Variants in JPH3 observed in about 807,000 individuals in gnomAD.
JPH3 encodes the protein junctophilin-3.
Under a neutral mutation model 59.6 loss-of-function variants are expected in JPH3, and 11 were observed. The ratio of observed to expected loss-of-function variants is 0.18; its 90% confidence interval spans 0.12 to 0.31. The LOEUF is 0.31. Among genes scored for constraint, JPH3 ranks in the 10% least tolerant of loss-of-function variants. The pLI, the probability that JPH3 is intolerant of heterozygous loss-of-function variation, is 1.00. For synonymous variants in JPH3, 673 were observed against 483.6 expected (o/e 1.39, Z -5.14); for missense variants, 1,202 against 1,105.7 (o/e 1.09, Z -1.24).
chr16:87,615,850 G>T (rs1174269559), intron 1 of JPH3, among the ~76,000 whole-genome samples: 3 of 152,234 alleles, frequency 2.0e-5, no homozygotes, highest in Non-Finnish European at 4.4e-5. Flanking sequence ...GTCTGTTGGG[G>T]TCAGCCCCGG....
At chr16:87,657,366 G>C (rs1210861833) in intron 2 of JPH3, among the ~76,000 whole-genome samples, 3 of 152,234 alleles carry the variant, frequency 2.0e-5, no homozygotes, top group Admixed American at 2.0e-4. Context: ...CATGGGGACA[G>C]GGAGTGGACT....
In JPH3 at chr16:87,644,709, C is replaced by T. The variant is rs367750188; in HGVS notation, c.834C>T (p.Asp278=). The change falls in exon 2 of 5, where the codon GAC becomes GAT. Residue 278 remains aspartate, a synonymous_variant. Transcript: ENST00000284262. The stretch of plus-strand genomic sequence containing the variant: ...AGGCCGAGCTGGCGGTCATCGAGGA[C>T]GACATCGACGCCACCACCACCGAGA... The part of the protein sequence containing the change: ...EAEAELAVIE[D]DIDATTTETY... 281 of 1,605,538 alleles carry T rather than the reference C, an allele frequency of 1.8e-4. 2 individuals carry two copies. The Middle Eastern group carries it at 4.1e-3, about 24-fold the overall frequency.
intron 2 of JPH3, among the ~76,000 whole-genome samples, chr16:87,678,747 C>T (rs1007339219): frequency 1.3e-5 from 2 of 152,134 alleles, no homozygotes; most frequent in Non-Finnish European, 1.5e-5. Flanking sequence ...CCCAATCCAA[C>T]GAAGAGTGCC....
At chr16:87,690,566 C>T (rs2033543124) in intron 4 of JPH3, 40 bp downstream of exon 4, 2 of 1,436,510 alleles carry the variant, frequency 1.4e-6, no homozygotes, top group South Asian at 1.6e-5. Context: ...GTGGAGGCAA[C>T]ATCCACCTCT....
rs1393840718 is a variant in JPH3, at chr16:87,644,466, G to A, written c.591G>A (p.Val197=). The A allele has an allele frequency of 6.2e-7, 1 of 1,612,746 alleles. No homozygotes were observed. The highest frequency in any genetic ancestry group is 8.5e-7 in the Non-Finnish European group (1 of 1,179,758). Residue 197 remains valine, a synonymous_variant, in exon 2 of 5, where the codon GTG becomes GTA. Coordinates refer to ENST00000284262, the MANE Select transcript of JPH3 (RefSeq NM_020655.4). ...CGGCCGTGTCCCGCGGGGGCTTCGT[G>A]CTCGTGGCCCACAGTGACTCCGAGA... is the stretch of plus-strand genomic sequence containing the variant. ...GSPAVSRGGF[V]LVAHSDSEIL...
intron 1 of JPH3, among the ~76,000 whole-genome samples, chr16:87,618,709 G>A (rs1400745655): frequency 1.3e-5 from 2 of 152,184 alleles, no homozygotes; most frequent in Non-Finnish European, 2.9e-5. Flanking sequence ...TTTCCTGGAG[G>A]CTGGTGCTGA....
intron 2 of JPH3, among the ~76,000 whole-genome samples, chr16:87,667,104 G>A (rs2032887708): frequency 6.6e-6 from 1 of 152,234 alleles, no homozygotes; most frequent in African/African-American, 2.4e-5. Flanking sequence ...CCGGCTTCTG[G>A]GGGCTGCCGG....
chr16:87,643,061 C>G lies in JPH3; in HGVS notation c.383-1197C>G, dbSNP rs12446465. ...TTCAACACTGACCCCACAACCCTCCCCAGCCCCTGCACCCACCGCGCTTTC... is the reference window on the plus strand; with the variant it reads ...TTCAACACTGACCCCACAACCCTCCGCAGCCCCTGCACCCACCGCGCTTTC... On this transcript the variant is annotated intron_variant, in intron 1 of 4. Transcript: ENST00000284262. Among the ~76,000 whole-genome samples, 862 of 152,312 alleles carry G rather than the reference C, an allele frequency of 5.7e-3. 27 individuals carry two copies. The highest frequency in any genetic ancestry group is 0.048 in the Admixed American group (735 of 15,298).
At chr16:87,673,128 A>C (rs1449050673) in intron 2 of JPH3, among the ~76,000 whole-genome samples, 3 of 152,128 alleles carry the variant, frequency 2.0e-5, no homozygotes, top group African/African-American at 7.2e-5. Flanking sequence ...ACTGGGCGAC[A>C]CAGTGCGACT....
intron 2 of JPH3, among the ~76,000 whole-genome samples, chr16:87,648,476 G>A (rs1194225207): frequency 6.6e-6 from 1 of 152,152 alleles, no homozygotes; most frequent in African/African-American, 2.4e-5. Flanking sequence ...CGCCCCGGCC[G>A]GCAGGGCTTG....
At chr16:87,621,706 C>T (rs2150829369) in intron 1 of JPH3, among the ~76,000 whole-genome samples, 1 of 152,310 alleles carries the variant, frequency 6.6e-6, no homozygotes, top group East Asian at 1.9e-4. Context: ...GTGGACACTC[C>T]CCCAGGAACC....
chr16:87,696,824 T>TTTTTCTGGG lies in JPH3; in HGVS notation c.*166_*174dup. ...TTGGGTATCACTCACAGTTTGCCTT[T>TTTTTCTGGG]TTTTCTGGGTAATGTTTTTTGGATT... is the stretch of plus-strand genomic sequence containing the variant. On this transcript the variant is annotated 3_prime_UTR_variant, in exon 5 of 5. Transcript: ENST00000284262. 7 of 633,040 alleles carry TTTTTCTGGG rather than the reference T, an allele frequency of 1.1e-5. No individual in the cohort carries two copies. In the South Asian group the frequency reaches 1.3e-4, roughly 12 times the overall value. 39.2% of individuals were successfully genotyped at this position (633,040 alleles called of 1,614,324 possible). A position where few individuals can be genotyped will look rare whatever the true frequency, so the allele number is the denominator to read the frequency against.
chr16:87,685,006 G>C (rs1014956319), intron 3 of JPH3, among the ~76,000 whole-genome samples: 1 of 152,202 alleles, frequency 6.6e-6, no homozygotes, highest in Non-Finnish European at 1.5e-5. Context: ...CTCAACCCGA[G>C]CTCTGACCGG....
chr16:87,645,866 C>G (rs932839578), intron 2 of JPH3, among the ~76,000 whole-genome samples: 4 of 152,168 alleles, frequency 2.6e-5, no homozygotes, highest in African/African-American at 7.2e-5. Context: ...TGGAAAGCCA[C>G]GGGCCCCACA....
intron 1 of JPH3, among the ~76,000 whole-genome samples, chr16:87,625,903 T>C (rs985047174): frequency 6.6e-6 from 1 of 152,184 alleles, no homozygotes; most frequent in Admixed American, 6.5e-5. Flanking sequence ...CCTGCCAACC[T>C]TCATTCAACC....
At chr16:87,694,293 C>T (rs2033711480) in intron 4 of JPH3, 1 of 152,306 alleles carries the variant, frequency 6.6e-6, no homozygotes, top group African/African-American at 2.4e-5. Flanking sequence ...AGCAGGCACC[C>T]AGGGAAGACC....
At chr16:87,641,124 C>A (rs997951414) in intron 1 of JPH3, among the ~76,000 whole-genome samples, 6 of 152,180 alleles carry the variant, frequency 3.9e-5, no homozygotes, top group African/African-American at 1.4e-4. Flanking sequence ...ATCACAACTG[C>A]CCCCAGTGCT....
intron 2 of JPH3, among the ~76,000 whole-genome samples, chr16:87,672,000 C>T (rs986765781): frequency 5.3e-5 from 8 of 152,160 alleles, no homozygotes; most frequent in South Asian, 2.1e-4. Flanking sequence ...TGACGGGGTA[C>T]GTGCTGCGTT....
chr16:87,604,297 C>T lies in JPH3; in HGVS notation c.382+769C>T, dbSNP rs564806887. ...GAAGCCAGGGAGCTGCCTGCTGCTG[C>T]TGCTGCTGCTGCTGCTGCTGCTGCT... is the stretch of plus-strand genomic sequence containing the variant. On this transcript the variant is annotated intron_variant, in intron 1 of 4. Transcript: ENST00000284262. 186 of 1,417,940 alleles carry T rather than the reference C, an allele frequency of 1.3e-4. No homozygotes were observed. The South Asian group carries it at 2.1e-3, about 16-fold the overall frequency. The allele number at this position is 1,417,940 out of a possible 1,614,324, so 87.8% of individuals were successfully genotyped here.
Sources: gnomAD v4.1 joint callset for allele counts (sites outside exome capture counted in the v4.1 genomes callset) on GRCh38, gnomAD v4.1.1 for gene constraint, MANE v1.5 for transcripts, NCBI Gene and HGNC (gene_info 2026-07-23, HGNC 2026-07-21) for gene names.